Variants in SBNO1 observed in about 807,000 individuals in gnomAD.
SBNO1 encodes the protein strawberry notch homolog 1.
Under a neutral mutation model 173.6 loss-of-function variants are expected in SBNO1, and 23 were observed. The observed-to-expected ratio is 0.13, with a 90% CI of 0.10 to 0.19. The LOEUF (loss-of-function observed/expected upper bound fraction) is 0.19, where lower values mean the gene tolerates loss of function less well. SBNO1 is among the 10% of genes least tolerant of loss of function. The pLI is 1.00. For missense variants in SBNO1, 1,238 were observed against 1,671.2 expected (o/e 0.74, Z 4.52); for synonymous variants, 632 against 571.5 (o/e 1.11, Z -1.51).
chr12:123,309,898 T>A, intron 25 of SBNO1, 42 bp from the exon 26 acceptor site: 4 of 1,482,544 alleles, frequency 2.7e-6, no homozygotes, highest in Non-Finnish European at 2.8e-6. Context: ...AAATGATAAT[T>A]AAAAATTTTT....
In SBNO1 at chr12:123,298,128, T is replaced by G; in HGVS notation, c.3889A>C (p.Ile1297Leu). 6.2e-7 allele frequency: 1 copy of G among 1,612,192 alleles called. No homozygotes were observed. Among genetic ancestry groups the G allele is most frequent in the South Asian group, 1.1e-5 (1 of 90,258 alleles). ...KKASLGLVCE[I>L]GLRCRTYYVL... ...TAATATGTACGGCAACGAAGACCTA[T>G]TTCACAAACTAGCCCCAAGCTTGCT... Residue 1297 changes from isoleucine to leucine, a missense_variant, in exon 31 of 32, where the codon ATA (isoleucine) becomes CTA (leucine). Around this residue, in one of 14 missense-constraint regions of SBNO1, gnomAD observed 351 missense variants for 420.3 expected, o/e 0.84. Transcript: ENST00000602398.
chr12:123,364,259 G>A (rs1464534187), intron 1 of SBNO1: 2 of 985,602 alleles, frequency 2.0e-6, no homozygotes, highest in African/African-American at 1.7e-5. Context: ...CAATGCTGGG[G>A]CACGAAAGAG....
At chr12:123,343,268 A>G (rs1401524636) in intron 4 of SBNO1, among the ~76,000 whole-genome samples, 1 of 152,190 alleles carries the variant, frequency 6.6e-6, no homozygotes, top group Non-Finnish European at 1.5e-5. Flanking sequence ...AGTATTAACT[A>G]AACAAGGAAA....
chr12:123,364,435 A>G (rs769057742), intron 1 of SBNO1: 12 of 985,410 alleles, frequency 1.2e-5, no homozygotes, highest in Non-Finnish European at 1.4e-5. Flanking sequence ...GGGCTCCCGG[A>G]GCCCGAAAGC....
intron 28 of SBNO1, among the ~76,000 whole-genome samples, chr12:123,307,382 AAC>A (rs1228915480): frequency 1.3e-5 from 2 of 152,030 alleles, no homozygotes; most frequent in Admixed American, 6.6e-5. Flanking sequence ...AAGGAAGGAA[AAC>A]ACAGAGGACA....
chr12:123,320,847 T>C lies in SBNO1; in HGVS notation c.2343A>G (p.Lys781=). 6.3e-7 allele frequency: 1 copy of C among 1,584,502 alleles called. No homozygotes were observed. The highest frequency in any genetic ancestry group is 8.6e-7 in the Non-Finnish European group (1 of 1,167,982). Residue 781 remains lysine, a synonymous_variant, in exon 18 of 32, where the codon AAA becomes AAG. Transcript: ENST00000602398. ...DDENDPWLIR[K]DHKKNKEKKK... Reference sequence around the variant, plus strand: ...TTTTCTCTTTGTTTTTCTTGTGGTCTTTTCTAATTAACCAGGGATCTGAGT... The same window carrying C: ...TTTTCTCTTTGTTTTTCTTGTGGTCCTTTCTAATTAACCAGGGATCTGAGT...
chr12:123,317,380 A>G (rs886923345), intron 20 of SBNO1, 24 bp from the exon 21 acceptor site: 2 of 1,612,696 alleles, frequency 1.2e-6, no homozygotes, highest in Non-Finnish European at 1.7e-6. Context: ...AAGAAAAATA[A>G]AGTCACTTTT....
intron 28 of SBNO1, among the ~76,000 whole-genome samples, chr12:123,305,278 C>T (rs1032676522): frequency 6.6e-6 from 1 of 152,192 alleles, no homozygotes; most frequent in Non-Finnish European, 1.5e-5. Context: ...TTGTCTACTC[C>T]GTCAGTACTG....
At chr12:123,298,907 T>TGGCGA (rs1566019694) in intron 30 of SBNO1, among the ~76,000 whole-genome samples, 1 of 152,008 alleles carries the variant, frequency 6.6e-6, no homozygotes, top group African/African-American at 2.4e-5. Flanking sequence ...CTGTGCAACA[T>TGGCGA]GGCGAGGCTC....
In SBNO1 at chr12:123,344,279, T is replaced by C. The variant is rs7973878; in HGVS notation, c.550+979A>G. Among the ~76,000 whole-genome samples, 10 of 152,276 alleles carry C rather than the reference T, an allele frequency of 6.6e-5. 1 individual carries two copies. In the South Asian group the frequency reaches 1.0e-3, roughly 16 times the overall value. On this transcript the variant is annotated intron_variant, in intron 4 of 31. Transcript: ENST00000602398. Reference sequence around the variant, plus strand: ...TGCTGCACTCCACGGCAGAAAATGGTATCAGTCCTAAGACAGCTAAAATGA... The same window carrying C: ...TGCTGCACTCCACGGCAGAAAATGGCATCAGTCCTAAGACAGCTAAAATGA...
At chr12:123,336,301 T>C (rs1397464693) in intron 6 of SBNO1, 94 bp downstream of exon 6, 1 of 848,312 alleles carries the variant, frequency 1.2e-6, no homozygotes, top group Admixed American at 2.5e-5. Flanking sequence ...TAAAGCAAGA[T>C]TCTAAATTTA....
intron 16 of SBNO1, among the ~76,000 whole-genome samples, chr12:123,322,628 G>A (rs1870118388): frequency 6.6e-6 from 1 of 151,970 alleles, no homozygotes; most frequent in African/African-American, 2.4e-5. Context: ...AAACAGGGCT[G>A]GGCGAGATGG....
At chr12:123,348,264 T>G in intron 2 of SBNO1, 131 bp from the exon 3 acceptor site, 1 of 528,874 alleles carries the variant, frequency 1.9e-6, no homozygotes, top group Non-Finnish European at 3.5e-6. Context: ...AACAGCAGAT[T>G]TATAATGTAA....
At position 123,364,749 on chromosome 12, in the gene SBNO1, G is replaced by A; in HGVS notation, c.-49C>T. 2.0e-6 allele frequency: 2 copies of A among 988,168 alleles called. No homozygotes were observed. Among genetic ancestry groups the A allele is most frequent in the Non-Finnish European group, 2.4e-6 (2 of 831,574 alleles). The allele number at this position is 988,168 out of a possible 1,614,324, so 61.2% of individuals were successfully genotyped here. The stretch of plus-strand genomic sequence containing the variant: ...GCACAGCTCCTCCCGGGAGGTGTGA[G>A]TTTGAAGGACCAGAGGCGACTGGAG... On this transcript the variant is annotated 5_prime_UTR_variant, in exon 1 of 32. Coordinates refer to ENST00000602398, the MANE Select transcript of SBNO1 (RefSeq NM_001167856.3).
rs1251189007 is a variant in SBNO1 at position 123,293,720 on chromosome 12, AC to A, written c.*2187del. ...TACATCATAGGCCATGGGGGTTGTC[AC>A]TTAGCTGCATGCTAAGAATCCTCAT... On this transcript the variant is annotated 3_prime_UTR_variant, in exon 32 of 32. Coordinates refer to ENST00000602398, the MANE Select transcript of SBNO1 (RefSeq NM_001167856.3). The A allele has an allele frequency of 6.6e-6, 1 of 152,226 alleles. No individual in the cohort carries two copies. Among genetic ancestry groups the A allele is most frequent in the African/African-American group, 2.4e-5 (1 of 41,470 alleles). 9.4% of individuals were successfully genotyped at this position (152,226 alleles called of 1,614,324 possible).
intron 1 of SBNO1, among the ~76,000 whole-genome samples, chr12:123,351,284 C>G (rs1319597700): frequency 6.6e-6 from 1 of 152,040 alleles, no homozygotes; most frequent in African/African-American, 2.4e-5. Flanking sequence ...TTGTGGGAAA[C>G]AGGGATTACT....
intron 1 of SBNO1, 53 bp from the exon 2 acceptor site, chr12:123,350,494 T>A: frequency 7.4e-7 from 1 of 1,360,500 alleles, no homozygotes; most frequent in Non-Finnish European, 1.1e-6. Context: ...TGACAAATAT[T>A]AACTCCCCTC....
chr12:123,325,259 C>A (rs2138983706), intron 15 of SBNO1, among the ~76,000 whole-genome samples: 1 of 152,332 alleles, frequency 6.6e-6, no homozygotes, highest in Non-Finnish European at 1.5e-5. Flanking sequence ...AAGTCTAGCC[C>A]TTCTGTTAGT....
intron 28 of SBNO1, among the ~76,000 whole-genome samples, chr12:123,308,153 G>A (rs1301522688): frequency 1.3e-5 from 2 of 152,132 alleles, no homozygotes; most frequent in Non-Finnish European, 2.9e-5. Context: ...TTGGATCTGA[G>A]TAAGTAAATA....
Sources: allele counts gnomAD v4.1 joint callset (sites outside exome capture counted in the v4.1 genomes callset), GRCh38; gene constraint gnomAD v4.1.1; regional missense constraint gnomAD v4.1.1; transcripts MANE v1.5; gene names NCBI Gene and HGNC (gene_info 2026-07-23, HGNC 2026-07-21).